The following CALN1 variants were observed in gnomAD, a reference collection of about 807,000 sequenced individuals.
CALN1 encodes calcium-binding protein 8.
CALN1 carries 17 observed loss-of-function variants against 30.6 expected under a neutral mutation model. That is an observed-to-expected ratio of 0.56 (90% CI 0.38 to 0.83). The LOEUF (loss-of-function observed/expected upper bound fraction) is 0.83, where lower values mean the gene tolerates loss of function less well. CALN1 is among the 40% of genes least tolerant of loss of function. The probability of loss-of-function intolerance (pLI) is 0.00; values close to 1 mark genes in which losing one functional copy is unlikely to be tolerated. For missense variants in CALN1, 291 were observed against 354.9 expected, an observed-to-expected ratio of 0.82 and a Z score of 1.45; for synonymous variants, 156 against 131.4, an observed-to-expected ratio of 1.19 and a Z score of -1.28.
At chr7:72,455,375 G>A in the CALN1 span, among the ~76,000 whole-genome samples, 1 of 150,104 alleles carries the variant, frequency 6.7e-6, no homozygotes, top group Non-Finnish European at 1.5e-5. Flanking sequence ...ACATAGGTGT[G>A]TATATATAAT....
chr7:72,372,293 A>G (rs1292961199), intron 2 of CALN1, among the ~76,000 whole-genome samples: 1 of 152,128 alleles, frequency 6.6e-6, no homozygotes, highest in African/African-American at 2.4e-5. Context: ...CAGTAAGATA[A>G]TATGTGGTCC....
chr7:72,376,585 GTTC>G (rs1399297599), intron 2 of CALN1, among the ~76,000 whole-genome samples: 53 of 152,256 alleles, frequency 3.5e-4, no homozygotes, highest in African/African-American at 1.2e-3. Context: ...AATTGTGCAA[GTTC>G]TTTATATTCT....
At chr7:71,999,646 G>C (rs1252545864) in intron 5 of CALN1, among the ~76,000 whole-genome samples, 1 of 151,940 alleles carries the variant, frequency 6.6e-6, no homozygotes, top group Non-Finnish European at 1.5e-5. Context: ...CTCCCAAGTA[G>C]CTGGGATTAC....
the CALN1 span, among the ~76,000 whole-genome samples, chr7:72,468,438 T>C: frequency 6.6e-6 from 1 of 152,208 alleles, no homozygotes. Flanking sequence ...ATCAGCCTAC[T>C]GAGTAGGCGG....
At chr7:72,326,151 C>G (rs557873853) in intron 2 of CALN1, among the ~76,000 whole-genome samples, 7 of 152,340 alleles carry the variant, frequency 4.6e-5, no homozygotes, top group Admixed American at 1.3e-4. Context: ...GGTCCGCCTG[C>G]CTGGGCCTCC....
chr7:72,307,466 G>T (rs1799731542), intron 2 of CALN1, among the ~76,000 whole-genome samples: 1 of 152,314 alleles, frequency 6.6e-6, no homozygotes, highest in Middle Eastern at 3.4e-3. Context: ...CATTCACTCG[G>T]TCGCTCGTGC....
chr7:72,202,906 A>G (rs906486181), intron 3 of CALN1, among the ~76,000 whole-genome samples: 3 of 152,204 alleles, frequency 2.0e-5, no homozygotes, highest in African/African-American at 4.8e-5. Context: ...TTGCAGCACT[A>G]TTTACAATAG....
chr7:72,054,439 A>ATATATACG (rs1323343912), intron 4 of CALN1, among the ~76,000 whole-genome samples: 2 of 19,374 alleles, frequency 1.0e-4, no homozygotes, highest in African/African-American at 1.9e-4. Flanking sequence ...ACACGTATAT[A>ATATATACG]TATATATACA....
At chr7:71,802,659 G>A (rs1203628158) in intron 6 of CALN1, among the ~76,000 whole-genome samples, 3 of 152,122 alleles carry the variant, frequency 2.0e-5, no homozygotes, top group Non-Finnish European at 4.4e-5. Context: ...GTAAGGAAGA[G>A]GTCTTGCTAT....
chr7:72,217,365 T>A (rs1343143539), intron 3 of CALN1, among the ~76,000 whole-genome samples: 1 of 151,938 alleles, frequency 6.6e-6, no homozygotes, highest in Non-Finnish European at 1.5e-5. Flanking sequence ...CCTCTTGGAG[T>A]ATGACTAACA....
At chr7:72,337,029 C>T in intron 2 of CALN1, 3 of 985,800 alleles carry the variant, frequency 3.0e-6, no homozygotes, top group Non-Finnish European at 3.6e-6. Context: ...TGCCCCGCAC[C>T]CCCTGCACCG....
At chr7:71,971,970 AAAGAAAGAAAG>A (rs1355270004) in intron 5 of CALN1, among the ~76,000 whole-genome samples, 78 of 137,312 alleles carry the variant, frequency 5.7e-4, no homozygotes, top group Non-Finnish European at 1.1e-3. Flanking sequence ...AGAAAGAAAG[AAAGAAAGAAAG>A]AAAGAAAGAA....
chr7:72,207,339 A>C (rs1269599536), intron 3 of CALN1, among the ~76,000 whole-genome samples: 2 of 152,192 alleles, frequency 1.3e-5, no homozygotes, highest in East Asian at 3.9e-4. Flanking sequence ...TTGTTTTTCA[A>C]GTCTCCCTTC....
intron 5 of CALN1, among the ~76,000 whole-genome samples, chr7:71,968,736 A>G (rs570728447): frequency 2.1e-4 from 32 of 151,234 alleles, no homozygotes; most frequent in South Asian, 4.3e-4. Context: ...AGATGAGTGC[A>G]TAAGTTTTAT....
chr7:71,980,481 C>G (rs1344015649), intron 5 of CALN1, among the ~76,000 whole-genome samples: 1 of 152,156 alleles, frequency 6.6e-6, no homozygotes, highest in Admixed American at 6.5e-5. Context: ...TGAGCCACCA[C>G]GCCCAGCCAA....
Position 72,311,660 on chromosome 7 carries a change from T to A in CALN1, c.120-32850A>T, listed in dbSNP as rs928589191. On this transcript the variant is annotated intron_variant, in intron 2 of 6. Transcript: ENST00000395275. ...ACAACGCCTGGCTGAGATTTTTTTTTTTTTTTTTTTTTTTTTTGTAGAGAT... is the reference window on the plus strand; with the variant it reads ...ACAACGCCTGGCTGAGATTTTTTTTATTTTTTTTTTTTTTTTTGTAGAGAT... 4.0e-3 allele frequency among the ~76,000 whole-genome samples: 557 copies of A among 140,104 alleles called. 3 individuals are homozygous for A. The highest frequency in any genetic ancestry group is 0.014 in the African/African-American group (533 of 37,338). The allele number at this position is 140,104 out of a possible 152,430, so 91.9% of individuals were successfully genotyped here.
intron 5 of CALN1, among the ~76,000 whole-genome samples, chr7:71,890,091 G>A (rs2116876256): frequency 6.6e-6 from 1 of 152,242 alleles, no homozygotes; most frequent in East Asian, 1.9e-4. Flanking sequence ...CAATGAGAAT[G>A]AGAACAGAGC....
In CALN1 at chr7:71,877,347, C is replaced by CAGGTTCT. The variant is rs533127645; in HGVS notation, c.502-66862_502-66856dup. ...TGCTATTATTTTTCCACATTGTTTA[C>CAGGTTCT]AGGTTCTAGTGAATGCAGCAAAACA... On this transcript the variant is annotated intron_variant, in intron 5 of 6. Transcript: ENST00000395275. 7.3e-3 allele frequency among the ~76,000 whole-genome samples: 1,104 copies of CAGGTTCT among 152,184 alleles called. 7 individuals carry two copies. The highest frequency in any genetic ancestry group is 0.012 in the Non-Finnish European group (847 of 68,000).
At chr7:72,200,137 CAAA>C (rs1054298411) in intron 3 of CALN1, among the ~76,000 whole-genome samples, 5 of 151,968 alleles carry the variant, frequency 3.3e-5, no homozygotes, top group African/African-American at 9.6e-5. Flanking sequence ...CAAATCAACT[CAAA>C]AAAAGCCAAA....
Sources: allele counts gnomAD v4.1 joint callset (sites outside exome capture counted in the v4.1 genomes callset), GRCh38; gene constraint gnomAD v4.1.1; transcripts MANE v1.5; gene names NCBI Gene and HGNC (gene_info 2026-07-23, HGNC 2026-07-21).